MICAL2: variants seen among roughly 807,000 people sequenced by gnomAD.
MICAL2 encodes the protein [F-actin]-monooxygenase MICAL2.
Under a neutral mutation model 127.3 loss-of-function variants are expected in MICAL2, and 77 were observed. The observed-to-expected ratio is 0.60, with a 90% CI of 0.50 to 0.73. The LOEUF (loss-of-function observed/expected upper bound fraction) is 0.73, where lower values mean the gene tolerates loss of function less well. Among genes scored for constraint, MICAL2 ranks in the 30% least tolerant of loss-of-function variants. MICAL2 has a pLI of 0.00. For missense variants in MICAL2, 1,351 were observed against 1,434.4 expected, an observed-to-expected ratio of 0.94 and a Z score of 0.94; for synonymous variants, 570 against 551.1, an observed-to-expected ratio of 1.03 and a Z score of -0.48.
chr11:12,325,523 G>A (rs377531190), intron 31 of MICAL2, among the ~76,000 whole-genome samples: 11 of 152,220 alleles, frequency 7.2e-5, no homozygotes, highest in African/African-American at 2.4e-4. Context: ...ATGTTCTGGA[G>A]CTGAGAAGTC....
chr11:12,188,428 T>C (rs1858609315), intron 3 of MICAL2, among the ~76,000 whole-genome samples: 3 of 152,164 alleles, frequency 2.0e-5, no homozygotes. Flanking sequence ...CTTTTTTTTA[T>C]TGTCATGCTG....
At chr11:12,122,362 G>A (rs560578903) in intron 1 of MICAL2, among the ~76,000 whole-genome samples, 6 of 152,176 alleles carry the variant, frequency 3.9e-5, no homozygotes, top group African/African-American at 9.7e-5. Flanking sequence ...CCTTGTTGCC[G>A]CAGGCCTCTC....
downstream of MICAL2, among the ~76,000 whole-genome samples, chr11:12,290,006 G>A (rs1168618635): frequency 1.3e-5 from 2 of 152,208 alleles, no homozygotes; most frequent in Non-Finnish European, 2.9e-5. Flanking sequence ...GTGTGAAGGA[G>A]TGGACTTCCA....
chr11:12,343,214 C>G (rs571789051), intron 32 of MICAL2, among the ~76,000 whole-genome samples: 1 of 152,082 alleles, frequency 6.6e-6, no homozygotes, highest in East Asian at 1.9e-4. Context: ...TCGAGACCAG[C>G]CTGGCCAACA....
chr11:12,159,037 G>C (rs909370989), intron 2 of MICAL2, among the ~76,000 whole-genome samples: 2 of 152,204 alleles, frequency 1.3e-5, no homozygotes, highest in Non-Finnish European at 2.9e-5. Context: ...CCTGGTACAG[G>C]CTGCTGGGCT....
intron 3 of MICAL2, among the ~76,000 whole-genome samples, chr11:12,164,396 T>G (rs1449505949): frequency 6.6e-6 from 1 of 152,170 alleles, no homozygotes; most frequent in Non-Finnish European, 1.5e-5. Flanking sequence ...GAGAATGCAT[T>G]GTAAGTATGA....
At chr11:12,226,404 T>C in intron 14 of MICAL2, 34 bp downstream of exon 14, 2 of 1,599,934 alleles carry the variant, frequency 1.3e-6, no homozygotes, top group Non-Finnish European at 1.7e-6. Context: ...GCTTAGCCCC[T>C]TGAGCCAACT....
At chr11:12,331,532 G>A (rs910659239) in intron 32 of MICAL2, among the ~76,000 whole-genome samples, 1 of 152,092 alleles carries the variant, frequency 6.6e-6, no homozygotes, top group African/African-American at 2.4e-5. Flanking sequence ...CTCCAGGACC[G>A]GGGAGGTAGC....
At chr11:12,179,757 T>G (rs1857221211) in intron 3 of MICAL2, among the ~76,000 whole-genome samples, 1 of 152,130 alleles carries the variant, frequency 6.6e-6, no homozygotes, top group Non-Finnish European at 1.5e-5. Context: ...TAGAGAGAGC[T>G]GCAGAGCCCA....
chr11:12,211,858 A>G (rs12417612), intron 6 of MICAL2, among the ~76,000 whole-genome samples: 56,439 of 152,126 alleles, frequency 0.37, 11,830 homozygotes, highest in Non-Finnish European at 0.48. Flanking sequence ...CGGGCTGGAC[A>G]GCACAACAGC....
At chr11:12,262,135 C>T (rs565057787) in intron 26 of MICAL2, 31 of 1,168,656 alleles carry the variant, frequency 2.7e-5, no homozygotes, top group East Asian at 1.7e-4. Flanking sequence ...TGGGCAGCAC[C>T]GACACCCAGG....
intron 2 of MICAL2, among the ~76,000 whole-genome samples, chr11:12,140,916 G>A (rs1211980499): frequency 1.3e-5 from 2 of 152,166 alleles, no homozygotes; most frequent in African/African-American, 2.4e-5. Flanking sequence ...GGACAGGTGT[G>A]TATTATCTTA....
At position 12,119,714 on chromosome 11, in the gene MICAL2, G is replaced by A. The variant is rs948631184; in HGVS notation, c.-149+8988G>A. 3.6e-4 allele frequency among the ~76,000 whole-genome samples: 55 copies of A among 152,188 alleles called. 1 individual carries two copies. Among genetic ancestry groups the A allele is most frequent in the Non-Finnish European group, 7.3e-5 (5 of 68,032 alleles). On this transcript the variant is annotated intron_variant, in intron 1 of 27. Coordinates refer to ENST00000683283, the MANE Select transcript of MICAL2 (RefSeq NM_001282663.2). ...CTTTGGACTCAGGTGGGGCTTGAGA[G>A]TGGGGTAGTTTCAAATGACACTGAC...
At chr11:12,289,818 CT>C (rs1863874457), downstream of MICAL2, among the ~76,000 whole-genome samples, 1 of 152,190 alleles carries the variant, frequency 6.6e-6, no homozygotes, top group Non-Finnish European at 1.5e-5. Context: ...ATCCATCCAC[CT>C]CGGCCTCCAA....
At chr11:12,229,332 G>A (rs999716251) in intron 15 of MICAL2, among the ~76,000 whole-genome samples, 3 of 152,306 alleles carry the variant, frequency 2.0e-5, no homozygotes, top group East Asian at 1.9e-4. Context: ...GCTGCACCCA[G>A]CCTCTCTCCC....
intron 3 of MICAL2, among the ~76,000 whole-genome samples, chr11:12,189,469 C>G (rs1209583675): frequency 6.6e-6 from 1 of 152,036 alleles, no homozygotes; most frequent in Non-Finnish European, 1.5e-5. Context: ...TATCCTTTTC[C>G]CGTTGGTACA....
At chr11:12,195,421 T>G (rs1859766088) in intron 3 of MICAL2, among the ~76,000 whole-genome samples, 1 of 152,226 alleles carries the variant, frequency 6.6e-6, no homozygotes. Flanking sequence ...TAGACGGATG[T>G]GAATAGATAC....
At chr11:12,247,381 T>C (rs530105473) in intron 21 of MICAL2, among the ~76,000 whole-genome samples, 20 of 152,344 alleles carry the variant, frequency 1.3e-4, no homozygotes, top group East Asian at 3.9e-4. Flanking sequence ...CATTAGATGA[T>C]GTAATTGGGC....
intron 3 of MICAL2, among the ~76,000 whole-genome samples, chr11:12,188,188 A>C (rs1858570842): frequency 6.6e-6 from 1 of 152,234 alleles, no homozygotes; most frequent in South Asian, 2.1e-4. Context: ...AATGATTATC[A>C]AATATTTTAT....
Sources: allele counts gnomAD v4.1 joint callset (sites outside exome capture counted in the v4.1 genomes callset), GRCh38; gene constraint gnomAD v4.1.1; transcripts MANE v1.5; gene names NCBI Gene and HGNC (gene_info 2026-07-23, HGNC 2026-07-21).